Variants in PTPRD observed in about 807,000 individuals in gnomAD.
PTPRD encodes protein tyrosine phosphatase receptor type D.
A neutral mutation model predicts 214.5 loss-of-function variants in PTPRD; 34 were observed. The observed-to-expected ratio is 0.16, with a 90% CI of 0.12 to 0.21. PTPRD has a LOEUF of 0.21. PTPRD is among the 10% of genes least tolerant of loss of function. The pLI is 1.00. For synonymous variants in PTPRD, 1,128 were observed against 845.7 expected (o/e 1.33, Z -5.79); for missense variants, 2,545 against 2,398.7 (o/e 1.06, Z -1.27).
intron 6 of PTPRD, among the ~76,000 whole-genome samples, chr9:9,740,561 C>G (rs1227668958): frequency 6.6e-6 from 1 of 152,010 alleles, no homozygotes; most frequent in Non-Finnish European, 1.5e-5. Context: ...CGGGGTTTCA[C>G]CGTGTTAGCC....
At chr9:8,795,657 T>C (rs979663894) in intron 11 of PTPRD, among the ~76,000 whole-genome samples, 4 of 152,180 alleles carry the variant, frequency 2.6e-5, no homozygotes, top group Non-Finnish European at 5.9e-5. Context: ...ATTTTCATCA[T>C]AGCCCACGTA....
intron 6 of PTPRD, among the ~76,000 whole-genome samples, chr9:9,755,980 A>C (rs924447551): frequency 6.6e-6 from 1 of 151,950 alleles, no homozygotes; most frequent in African/African-American, 2.4e-5. Flanking sequence ...AGTAGAAAAT[A>C]ATTAGACCGA....
intron 5 of PTPRD, among the ~76,000 whole-genome samples, chr9:9,890,499 G>A (rs1248159160): frequency 6.6e-6 from 1 of 151,984 alleles, no homozygotes; most frequent in Non-Finnish European, 1.5e-5. Context: ...TGACCAGCCA[G>A]TAATTCTTCA....
chr9:8,943,264 T>C (rs1003099186), intron 11 of PTPRD, among the ~76,000 whole-genome samples: 3 of 151,966 alleles, frequency 2.0e-5, no homozygotes, highest in Non-Finnish European at 4.4e-5. Flanking sequence ...TTCATAGAAA[T>C]AGAAAAATAA....
intron 7 of PTPRD, among the ~76,000 whole-genome samples, chr9:9,630,980 C>G (rs1020361318): frequency 6.6e-6 from 1 of 152,028 alleles, no homozygotes; most frequent in Admixed American, 6.6e-5. Flanking sequence ...ATATAAATCC[C>G]TTTCATTTTC....
chr9:9,990,256 T>C (rs1322453911), intron 4 of PTPRD, among the ~76,000 whole-genome samples: 4 of 152,198 alleles, frequency 2.6e-5, no homozygotes, highest in Non-Finnish European at 5.9e-5. Context: ...TCCTTTCTTC[T>C]CTCATGGTTT....
At chr9:8,373,908 ATC>A (rs1564369326) in intron 39 of PTPRD, among the ~76,000 whole-genome samples, 2 of 92,090 alleles carry the variant, frequency 2.2e-5, no homozygotes, top group African/African-American at 8.2e-5. Flanking sequence ...CTATCTATCT[ATC>A]TATCTACCTA....
At chr9:8,546,672 G>T (rs1346517433) in intron 14 of PTPRD, among the ~76,000 whole-genome samples, 1 of 151,798 alleles carries the variant, frequency 6.6e-6, no homozygotes, top group African/African-American at 2.4e-5. Flanking sequence ...CTACTTTTTT[G>T]TATTTTTAGT....
intron 5 of PTPRD, among the ~76,000 whole-genome samples, chr9:9,770,885 G>C (rs2098746739): frequency 6.6e-6 from 1 of 152,140 alleles, no homozygotes; most frequent in Admixed American, 6.5e-5. Flanking sequence ...TTATTTTACA[G>C]TTACTGTGCT....
At chr9:8,903,718 T>C (rs767491286) in intron 11 of PTPRD, among the ~76,000 whole-genome samples, 3 of 152,190 alleles carry the variant, frequency 2.0e-5, no homozygotes, top group Non-Finnish European at 4.4e-5. Context: ...TCCTTATCAG[T>C]AAAACTAACA....
At chr9:10,324,921 C>T (rs1344861544) in intron 3 of PTPRD, among the ~76,000 whole-genome samples, 3 of 152,040 alleles carry the variant, frequency 2.0e-5, no homozygotes, top group African/African-American at 7.2e-5. Flanking sequence ...ATTTTACCAA[C>T]ACACATACCA....
chr9:9,331,071 A>T (rs1259407632), intron 9 of PTPRD, among the ~76,000 whole-genome samples: 1 of 152,008 alleles, frequency 6.6e-6, no homozygotes, highest in Admixed American at 6.6e-5. Flanking sequence ...AAACATGAAG[A>T]CCTGCAGTTG....
intron 9 of PTPRD, among the ~76,000 whole-genome samples, chr9:9,331,379 A>T (rs1250117294): frequency 6.6e-6 from 1 of 152,088 alleles, no homozygotes; most frequent in African/African-American, 2.4e-5. Context: ...CTTTCTCGGG[A>T]TAATTCATAG....
chr9:10,063,840 C>A (rs562389894), intron 3 of PTPRD, among the ~76,000 whole-genome samples: 1 of 151,858 alleles, frequency 6.6e-6, no homozygotes, highest in South Asian at 2.1e-4. Flanking sequence ...AAAACAAAAA[C>A]AAAAAACAAA....
chr9:9,538,787 T>A (rs1357979918), intron 8 of PTPRD, among the ~76,000 whole-genome samples: 1 of 151,880 alleles, frequency 6.6e-6, no homozygotes, highest in South Asian at 2.1e-4. Context: ...GAAAAAGGCT[T>A]TGGTTCAAAA....
At chr9:10,402,155 C>T (rs1296880410) in intron 2 of PTPRD, among the ~76,000 whole-genome samples, 3 of 151,550 alleles carry the variant, frequency 2.0e-5, no homozygotes, top group Non-Finnish European at 4.4e-5. Context: ...CTAGGCCAGC[C>T]ACTGTTTCAC....
intron 12 of PTPRD, among the ~76,000 whole-genome samples, chr9:8,687,531 AAAC>A (rs2097706082): frequency 6.6e-6 from 1 of 152,224 alleles, no homozygotes; most frequent in Admixed American, 6.5e-5. Flanking sequence ...CAACATCAAC[AAAC>A]AACAATGTGT....
At chr9:8,674,016 T>A (rs1288945509) in intron 12 of PTPRD, among the ~76,000 whole-genome samples, 2 of 152,118 alleles carry the variant, frequency 1.3e-5, no homozygotes, top group East Asian at 1.9e-4. Flanking sequence ...GGAGACCCAC[T>A]GCAATATGGT....
chr9:8,598,063 T>C (rs2094569019), intron 14 of PTPRD, among the ~76,000 whole-genome samples: 1 of 152,144 alleles, frequency 6.6e-6, no homozygotes, highest in Non-Finnish European at 1.5e-5. Context: ...GAGCCAAACA[T>C]ATAAATATGC....
Sources: allele counts gnomAD v4.1 joint callset (sites outside exome capture counted in the v4.1 genomes callset), GRCh38; gene constraint gnomAD v4.1.1; transcripts MANE v1.5; gene names NCBI Gene and HGNC (gene_info 2026-07-23, HGNC 2026-07-21).